The following SPRR2G variants were observed in gnomAD, a reference collection of about 807,000 sequenced individuals.
The protein encoded by SPRR2G is small proline-rich protein 2G.
Under a neutral mutation model 0.7 loss-of-function variants are expected in SPRR2G, and 1 was observed. The observed-to-expected ratio is 1.49, with a 90% confidence interval of 0.53 to 7.06. The LOEUF (loss-of-function observed/expected upper bound fraction) is 7.06, where lower values mean the gene tolerates loss of function less well. Among genes scored for constraint, SPRR2G ranks in the 30% most tolerant of loss-of-function variants. The pLI is 0.14. For synonymous variants in SPRR2G, 38 were observed against 33.9 expected (o/e 1.12, Z -0.42); for missense variants, 96 against 88.5 (o/e 1.09, Z -0.34).
chr1:153,168,079 T>C, the SPRR2G span, among the ~76,000 whole-genome samples: 1 of 152,162 alleles, frequency 6.6e-6, no homozygotes, highest in South Asian at 2.1e-4. Context: ...CTGTTTTACT[T>C]TAACATCTCA....
the SPRR2G span, among the ~76,000 whole-genome samples, chr1:153,201,058 ATC>A: frequency 1.3e-5 from 2 of 152,090 alleles, no homozygotes; most frequent in Non-Finnish European, 2.9e-5. Flanking sequence ...TCTAACCCTA[ATC>A]TAGGCAAGCC....
At chr1:153,199,431 C>T in the SPRR2G span, among the ~76,000 whole-genome samples, 1 of 152,206 alleles carries the variant, frequency 6.6e-6, no homozygotes, top group South Asian at 2.1e-4. Flanking sequence ...AGGACACATT[C>T]AAGTTCTCCA....
At chr1:153,155,056 CTCT>C (rs1656554232), upstream of SPRR2G, among the ~76,000 whole-genome samples, 1 of 152,060 alleles carries the variant, frequency 6.6e-6, no homozygotes, top group South Asian at 2.1e-4. Context: ...TGATCTGAAC[CTCT>C]TCTTCTAAAT....
At chr1:153,170,362 G>T in the SPRR2G span, among the ~76,000 whole-genome samples, 1 of 152,082 alleles carries the variant, frequency 6.6e-6, no homozygotes, top group Non-Finnish European at 1.5e-5. Flanking sequence ...CTCACAAAAA[G>T]CTGTATAATT....
At chr1:153,196,555 G>A in the SPRR2G span, among the ~76,000 whole-genome samples, 64 of 152,260 alleles carry the variant, frequency 4.2e-4, no homozygotes, top group Admixed American at 2.2e-3. Flanking sequence ...GCTGCCTCCT[G>A]TGGCAAAAGA....
the SPRR2G span, among the ~76,000 whole-genome samples, chr1:153,171,481 C>G: frequency 6.6e-6 from 1 of 152,154 alleles, no homozygotes; most frequent in African/African-American, 2.4e-5. Flanking sequence ...CTTGTGTGAT[C>G]ACACCATATA....
the SPRR2G span, among the ~76,000 whole-genome samples, chr1:153,193,038 C>G: frequency 2.0e-5 from 3 of 151,868 alleles, no homozygotes; most frequent in African/African-American, 7.3e-5. Context: ...TTAGGTAAAC[C>G]TTCTCCTTGT....
chr1:153,192,537 C>T, the SPRR2G span, among the ~76,000 whole-genome samples: 1 of 152,078 alleles, frequency 6.6e-6, no homozygotes, highest in African/African-American at 2.4e-5. Flanking sequence ...GGAAGGTCCC[C>T]CCAAATTGCA....
chr1:153,171,209 G>C, the SPRR2G span, among the ~76,000 whole-genome samples: 1 of 152,116 alleles, frequency 6.6e-6, no homozygotes. Context: ...CTCTGAATAT[G>C]AGCAGGTAAA....
chr1:153,183,103 T>C, the SPRR2G span, among the ~76,000 whole-genome samples: 2 of 150,334 alleles, frequency 1.3e-5, no homozygotes, highest in Non-Finnish European at 3.0e-5. Context: ...AGTTTCACTC[T>C]TGTTGCCCAG....
At chr1:153,156,479 A>G in the SPRR2G span, among the ~76,000 whole-genome samples, 1 of 152,234 alleles carries the variant, frequency 6.6e-6, no homozygotes, top group Non-Finnish European at 1.5e-5. Context: ...TAAGACGCTG[A>G]CATTGCAGAG....
At chr1:153,172,361 CTT>C in the SPRR2G span, among the ~76,000 whole-genome samples, 2 of 152,146 alleles carry the variant, frequency 1.3e-5, no homozygotes, top group Non-Finnish European at 2.9e-5. Flanking sequence ...ATGCGGTTGA[CTT>C]TTGCTGTAGC....
At chr1:153,176,742 C>T in the SPRR2G span, 1 of 152,108 alleles carries the variant, frequency 6.6e-6, no homozygotes, top group South Asian at 2.1e-4. Context: ...TTCATATAGC[C>T]AGTTCTTGCA....
chr1:153,176,987 C>T, the SPRR2G span, among the ~76,000 whole-genome samples: 1 of 152,132 alleles, frequency 6.6e-6, no homozygotes, highest in Non-Finnish European at 1.5e-5. Context: ...GTTAGTTAAT[C>T]CCCTCCCAAA....
At chr1:153,198,931 G>A in the SPRR2G span, among the ~76,000 whole-genome samples, 34 of 152,248 alleles carry the variant, frequency 2.2e-4, no homozygotes, top group African/African-American at 7.2e-4. Flanking sequence ...GAAAGGGCTC[G>A]GGAAGGAGAG....
the SPRR2G span, among the ~76,000 whole-genome samples, chr1:153,191,844 G>A: frequency 6.6e-6 from 1 of 152,236 alleles, no homozygotes; most frequent in South Asian, 2.1e-4. Flanking sequence ...CAGCTTACTT[G>A]TGGGTTTTAT....
chr1:153,162,773 T>C, the SPRR2G span, among the ~76,000 whole-genome samples: 1 of 152,224 alleles, frequency 6.6e-6, no homozygotes, highest in Non-Finnish European at 1.5e-5. Flanking sequence ...TCTTTATCAT[T>C]GCACTTGCCA....
the SPRR2G span, among the ~76,000 whole-genome samples, chr1:153,187,699 C>A: frequency 1.3e-5 from 2 of 152,134 alleles, no homozygotes; most frequent in Non-Finnish European, 2.9e-5. Flanking sequence ...AAGCCTACTT[C>A]TGTCAATTCA....
At chr1:153,160,979 A>G in the SPRR2G span, among the ~76,000 whole-genome samples, 1 of 151,534 alleles carries the variant, frequency 6.6e-6, no homozygotes, top group Non-Finnish European at 1.5e-5. Context: ...TTCTCAGCAA[A>G]CTATCACAAG....
Sources: allele counts gnomAD v4.1 joint callset (sites outside exome capture counted in the v4.1 genomes callset), GRCh38; gene constraint gnomAD v4.1.1; transcripts MANE v1.5; gene names NCBI Gene and HGNC (gene_info 2026-07-23, HGNC 2026-07-21).